LPP: variants seen among roughly 807,000 people sequenced by gnomAD.
LPP encodes LIM domain containing preferred translocation partner in lipoma, also known as lipoma-preferred partner.
In LPP, 38 loss-of-function variants were observed where a neutral mutation model predicts 60.4. The observed-to-expected ratio is 0.63, with a 90% CI of 0.49 to 0.83. The LOEUF is 0.83. LPP is among the 40% of genes least tolerant of loss of function. The probability of loss-of-function intolerance (pLI) is 0.00; values close to 1 mark genes in which losing one functional copy is unlikely to be tolerated. For synonymous variants in LPP, 328 were observed against 290.8 expected (o/e 1.13, Z -1.30); for missense variants, 902 against 783.6 (o/e 1.15, Z -1.80).
intron 7 of LPP, among the ~76,000 whole-genome samples, chr3:188,634,197 A>G (rs1848319395): frequency 6.6e-6 from 1 of 152,242 alleles, no homozygotes; most frequent in East Asian, 1.9e-4. Context: ...CCACTCTGAT[A>G]TTTTCTTTGC....
At chr3:188,541,616 G>T (rs1458995764) in intron 6 of LPP, among the ~76,000 whole-genome samples, 3 of 151,992 alleles carry the variant, frequency 2.0e-5, no homozygotes, top group Non-Finnish European at 4.4e-5. Flanking sequence ...GTAAATTTAT[G>T]TTTATTGATA....
chr3:188,439,291 G>A (rs979396411), intron 4 of LPP, among the ~76,000 whole-genome samples: 12 of 152,138 alleles, frequency 7.9e-5, no homozygotes, highest in East Asian at 7.7e-4. Context: ...ACCATCATTC[G>A]CTTCCTCAAT....
chr3:188,881,445 C>T lies in LPP; in HGVS notation c.*6966C>T, dbSNP rs565821602. ...AACATATTTTCTAATTTTCAGTGTA[C>T]TCAGTGAAACTTGGCAGTTCACCAT... On this transcript the variant is annotated 3_prime_UTR_variant, in exon 12 of 12. Coordinates refer to ENST00000617246, the MANE Select transcript of LPP (RefSeq NM_001375462.1). The T allele has an allele frequency of 1.7e-4, 35 of 208,644 alleles. No individual in the cohort carries two copies. Among genetic ancestry groups the T allele is most frequent in the African/African-American group, 7.5e-4 (33 of 44,184 alleles). 12.9% of individuals were successfully genotyped at this position (208,644 alleles called of 1,614,324 possible). A position where few individuals can be genotyped will look rare whatever the true frequency, so the allele number is the denominator to read the frequency against.
intron 9 of LPP, among the ~76,000 whole-genome samples, chr3:188,764,701 A>G (rs1303500657): frequency 1.3e-5 from 2 of 152,158 alleles, no homozygotes; most frequent in Non-Finnish European, 2.9e-5. Context: ...TTTTATTCCT[A>G]GCATTACCAA....
intron 4 of LPP, among the ~76,000 whole-genome samples, chr3:188,407,101 A>G (rs1483894089): frequency 2.0e-5 from 3 of 151,844 alleles, no homozygotes; most frequent in African/African-American, 7.3e-5. Flanking sequence ...AAACTGAAGA[A>G]TATTAGACTT....
At chr3:188,340,332 T>A (rs1052629108) in intron 2 of LPP, among the ~76,000 whole-genome samples, 1 of 152,028 alleles carries the variant, frequency 6.6e-6, no homozygotes, top group African/African-American at 2.4e-5. Flanking sequence ...TGTTAAAAGA[T>A]GATTAATGTT....
intron 3 of LPP, among the ~76,000 whole-genome samples, chr3:188,399,504 C>T (rs1781738433): frequency 1.3e-5 from 2 of 152,190 alleles, no homozygotes; most frequent in Non-Finnish European, 2.9e-5. Context: ...GTCAAATAGT[C>T]CCTCAGTTCT....
In LPP at chr3:188,511,693, C is replaced by T. The variant is rs183067099; in HGVS notation, c.307-12972C>T. 2.5e-3 allele frequency among the ~76,000 whole-genome samples: 374 copies of T among 151,650 alleles called. 1 individual carries two copies. The highest frequency in any genetic ancestry group is 8.8e-3 in the African/African-American group (361 of 41,020). On this transcript the variant is annotated intron_variant, in intron 5 of 11. Transcript: ENST00000617246. ...TTTTTCTCTCTGATCCTTGGGCTAT[C>T]CTCTTTTGAAAACAGGAATAATAAC... is the stretch of plus-strand genomic sequence containing the variant.
chr3:188,334,160 C>G (rs1042139123), intron 2 of LPP, among the ~76,000 whole-genome samples: 1 of 152,130 alleles, frequency 6.6e-6, no homozygotes, highest in Admixed American at 6.5e-5. Context: ...AACATGATGT[C>G]CTCCAGGCTT....
At chr3:188,159,031 T>C (rs1216957566) in intron 1 of LPP, among the ~76,000 whole-genome samples, 1 of 152,184 alleles carries the variant, frequency 6.6e-6, no homozygotes. Flanking sequence ...GGACTAAGCC[T>C]CTCTAGCAAA....
chr3:188,379,320 T>C (rs1193913094), intron 3 of LPP, among the ~76,000 whole-genome samples: 1 of 152,128 alleles, frequency 6.6e-6, no homozygotes, highest in Non-Finnish European at 1.5e-5. Flanking sequence ...TTAACCCTGA[T>C]AGGGTGGGGA....
At chr3:188,782,473 A>C (rs911475492) in intron 9 of LPP, among the ~76,000 whole-genome samples, 1 of 152,178 alleles carries the variant, frequency 6.6e-6, no homozygotes, top group African/African-American at 2.4e-5. Context: ...AATACTTATC[A>C]TGTTGAATTA....
chr3:188,606,363 C>CCACATA (rs1842373838), intron 6 of LPP, among the ~76,000 whole-genome samples: 1 of 152,146 alleles, frequency 6.6e-6, no homozygotes, highest in African/African-American at 2.4e-5. Context: ...TATCATTTGT[C>CCACATA]TCAAATATAG....
intron 4 of LPP, among the ~76,000 whole-genome samples, chr3:188,426,481 A>G (rs1199342580): frequency 6.6e-6 from 1 of 152,028 alleles, no homozygotes; most frequent in Non-Finnish European, 1.5e-5. Flanking sequence ...CTTGGTCTAG[A>G]GCTGAGTTGA....
chr3:188,202,043 G>C (rs1360369986), intron 1 of LPP, among the ~76,000 whole-genome samples: 1 of 151,756 alleles, frequency 6.6e-6, no homozygotes, highest in African/African-American at 2.4e-5. Context: ...GGTGGCAATA[G>C]AAGCTTCGGT....
intron 1 of LPP, among the ~76,000 whole-genome samples, chr3:188,190,550 A>C (rs1413681983): frequency 2.0e-5 from 3 of 152,218 alleles, no homozygotes; most frequent in Admixed American, 2.0e-4. Context: ...GGAGGCAGGC[A>C]AAGTCCATGG....
At position 188,512,771 on chromosome 3, in the gene LPP, G is replaced by A. The variant is rs563204289; in HGVS notation, c.307-11894G>A. On this transcript the variant is annotated intron_variant, in intron 5 of 11. Coordinates refer to ENST00000617246, the MANE Select transcript of LPP (RefSeq NM_001375462.1). ...AAATACTTGAAAATGATGAGCTAATGTATAAAGTTAACATCACATTTCTAA... is the reference window on the plus strand; with the variant it reads ...AAATACTTGAAAATGATGAGCTAATATATAAAGTTAACATCACATTTCTAA... 6.6e-5 allele frequency among the ~76,000 whole-genome samples: 10 copies of A among 152,198 alleles called. No homozygotes were observed. The South Asian group carries it at 2.1e-3, about 32-fold the overall frequency.
At chr3:188,647,421 A>T (rs1427229889) in intron 7 of LPP, among the ~76,000 whole-genome samples, 1 of 152,098 alleles carries the variant, frequency 6.6e-6, no homozygotes, top group Non-Finnish European at 1.5e-5. Context: ...AGGACTGTAA[A>T]CAGAAGACTT....
At chr3:188,873,744 C>G (rs940181756) in intron 11 of LPP, among the ~76,000 whole-genome samples, 3 of 152,154 alleles carry the variant, frequency 2.0e-5, no homozygotes, top group Admixed American at 1.3e-4. Flanking sequence ...CCTGGACTAG[C>G]AATCTTTGCT....
Sources: allele counts gnomAD v4.1 joint callset (sites outside exome capture counted in the v4.1 genomes callset), GRCh38; gene constraint gnomAD v4.1.1; transcripts MANE v1.5; gene names NCBI Gene and HGNC (gene_info 2026-07-23, HGNC 2026-07-21).